The following DMD variants were observed in gnomAD, a reference collection of about 807,000 sequenced individuals.
DMD encodes the protein mutant dystrophin.
Under a neutral mutation model 330.1 loss-of-function variants are expected in DMD, and 63 were observed. The observed-to-expected ratio is 0.19, with a 90% CI of 0.16 to 0.24. The LOEUF (loss-of-function observed/expected upper bound fraction) is 0.24. Ranked by LOEUF, DMD falls within the 10% of genes least tolerant of loss-of-function variation. The pLI is 1.00. For missense variants in DMD, 3,344 were observed against 2,684.1 expected, an observed-to-expected ratio of 1.25 and a Z score of -5.43; for synonymous variants, 1,223 against 959.8, an observed-to-expected ratio of 1.27 and a Z score of -5.07.
chrX:32,851,978 C>T (rs1208615366), intron 2 of DMD, among the ~76,000 whole-genome samples: 2 of 111,113 alleles, frequency 1.8e-5, no homozygotes, highest in Non-Finnish European at 1.9e-5. Flanking sequence ...GGAGTCTAGG[C>T]TACAAAAACT....
At chrX:33,111,419 G>C (rs184976291) in intron 1 of DMD, among the ~76,000 whole-genome samples, 1 of 111,807 alleles carries the variant, frequency 8.9e-6, no homozygotes, top group Non-Finnish European at 1.9e-5. Context: ...TCATTTGGAC[G>C]TCTCCTATCA....
chrX:32,505,349 C>T (rs1470737269), intron 18 of DMD, among the ~76,000 whole-genome samples: 6 of 112,025 alleles, frequency 5.4e-5, no homozygotes. Flanking sequence ...AAAACATGGG[C>T]AAAAATCCTT....
At chrX:32,976,079 G>A (rs1360873254) in intron 2 of DMD, among the ~76,000 whole-genome samples, 12 of 111,365 alleles carry the variant, frequency 1.1e-4, no homozygotes, top group African/African-American at 3.6e-4. Flanking sequence ...AAATTAGCTG[G>A]GTGTGGTGGC....
intron 1 of DMD, among the ~76,000 whole-genome samples, chrX:33,149,724 C>T (rs1569556517): frequency 9.0e-6 from 1 of 111,198 alleles, no homozygotes; most frequent in Non-Finnish European, 1.9e-5. Context: ...CTGTCGTCTC[C>T]ACCAAAGCAA....
chrX:32,685,897 T>C (rs1288897640), intron 9 of DMD, among the ~76,000 whole-genome samples: 3 of 112,014 alleles, frequency 2.7e-5, no homozygotes, highest in Non-Finnish European at 5.6e-5. Flanking sequence ...ACAAAATATG[T>C]GACCGTTAAT....
intron 44 of DMD, among the ~76,000 whole-genome samples, chrX:32,203,196 TAC>T (rs1437579844): frequency 1.8e-5 from 2 of 112,475 alleles, no homozygotes; most frequent in African/African-American, 6.5e-5. Context: ...ACTTTTAAAA[TAC>T]AGTTATTATG....
At chrX:32,849,848 T>A in intron 2 of DMD, 28 bp from the exon 3 acceptor site, 1 of 1,024,535 alleles carries the variant, frequency 9.8e-7, no homozygotes, top group Non-Finnish European at 1.4e-6. Context: ...ACACTCAATT[T>A]AACAAAGCAC....
chrX:31,598,593 T>C (rs1273609584), intron 55 of DMD, among the ~76,000 whole-genome samples: 1 of 111,880 alleles, frequency 8.9e-6, no homozygotes, highest in Non-Finnish European at 1.9e-5. Context: ...TTAACAACTA[T>C]AGAATAAAAC....
intron 59 of DMD, 54 bp downstream of exon 59, chrX:31,478,052 T>A (rs1379252180): frequency 1.0e-5 from 12 of 1,177,670 alleles, no homozygotes; most frequent in Non-Finnish European, 1.4e-5. Context: ...AAGTTCAGAT[T>A]AGAAGCTCTT....
intron 52 of DMD, among the ~76,000 whole-genome samples, chrX:31,715,520 G>A (rs1255242585): frequency 2.1e-5 from 2 of 93,302 alleles, no homozygotes; most frequent in African/African-American, 8.1e-5. Flanking sequence ...TCCAGCCTGG[G>A]CGACAGAGCG....
At chrX:32,632,567 C>T (rs775055780) in intron 11 of DMD, among the ~76,000 whole-genome samples, 1 of 112,688 alleles carries the variant, frequency 8.9e-6, no homozygotes, top group Non-Finnish European at 1.9e-5. Context: ...GAAACCCAGG[C>T]TTTTCCATAC....
intron 30 of DMD, among the ~76,000 whole-genome samples, chrX:32,392,290 G>A (rs957463571): frequency 4.5e-5 from 5 of 111,208 alleles, no homozygotes; most frequent in African/African-American, 1.6e-4. Context: ...ATGGAATCTC[G>A]CTCTGTCACC....
chrX:31,812,596 TAAATA>T (rs1253728560), intron 50 of DMD, among the ~76,000 whole-genome samples: 3 of 110,897 alleles, frequency 2.7e-5, no homozygotes, highest in Non-Finnish European at 5.7e-5. Flanking sequence ...AATAAATAAA[TAAATA>T]AAACAAATAA....
chrX:32,484,867 A>G, intron 21 of DMD, 52 bp downstream of exon 21: 1 of 1,158,925 alleles, frequency 8.6e-7, no homozygotes, highest in Non-Finnish European at 1.2e-6. Flanking sequence ...ATTTCCCCAC[A>G]AATAACCATT....
intron 1 of DMD, among the ~76,000 whole-genome samples, chrX:33,270,591 C>A (rs888120308): frequency 8.9e-6 from 1 of 111,903 alleles, no homozygotes; most frequent in Non-Finnish European, 1.9e-5. Context: ...GTAGGGAACG[C>A]CTCAGCTTAG....
At chrX:32,276,224 T>C (rs1336893197) in intron 43 of DMD, among the ~76,000 whole-genome samples, 2 of 112,499 alleles carry the variant, frequency 1.8e-5, no homozygotes, top group African/African-American at 6.5e-5. Context: ...CAGTCAGAAC[T>C]CAAGTTTCTT....
intron 18 of DMD, among the ~76,000 whole-genome samples, chrX:32,506,135 T>C (rs990516857): frequency 8.9e-6 from 1 of 111,791 alleles, no homozygotes; most frequent in African/African-American, 3.3e-5. Flanking sequence ...TCACAGAATG[T>C]GTGGCACCAA....
chrX:31,397,581 G>A lies in DMD; in HGVS notation c.9084+46900C>T, dbSNP rs192856143. Reference sequence around the variant, plus strand: ...TTTCCTAGATTCCATTGTGTCTTTCGAAAATACTGTAAAATTTACAAATGT... The same window carrying A: ...TTTCCTAGATTCCATTGTGTCTTTCAAAAATACTGTAAAATTTACAAATGT... On this transcript the variant is annotated intron_variant, in intron 60 of 78. Coordinates refer to ENST00000357033, the MANE Select transcript of DMD (RefSeq NM_004006.3). Among the ~76,000 whole-genome samples, 12 of 112,300 alleles carry A rather than the reference G, an allele frequency of 1.1e-4. No homozygotes were observed. In the East Asian group the frequency reaches 2.8e-3, roughly 26 times the overall value.
intron 7 of DMD, among the ~76,000 whole-genome samples, chrX:32,751,146 G>A (rs1400289252): frequency 8.9e-6 from 1 of 111,807 alleles, no homozygotes; most frequent in African/African-American, 3.3e-5. Flanking sequence ...GGGTGCTGCT[G>A]AAAAGACACG....
Sources: allele counts gnomAD v4.1 joint callset (sites outside exome capture counted in the v4.1 genomes callset), GRCh38; gene constraint gnomAD v4.1.1; transcripts MANE v1.5; gene names NCBI Gene and HGNC (gene_info 2026-07-23, HGNC 2026-07-21).